TMEM67: variants seen among roughly 807,000 people sequenced by gnomAD.
TMEM67 encodes the protein transmembrane protein 67, also known as meckelin.
TMEM67 carries 124 observed loss-of-function variants against 136.6 expected under a neutral mutation model. The ratio of observed to expected loss-of-function variants is 0.91; its 90% CI spans 0.78 to 1.05. The LOEUF (loss-of-function observed/expected upper bound fraction) is 1.05, where lower values mean the gene tolerates loss of function less well. Ranked by LOEUF, TMEM67 falls within the 50% of genes least tolerant of loss-of-function variation. TMEM67 has a pLI of 0.00. For synonymous variants in TMEM67, 364 were observed against 390.5 expected (o/e 0.93, Z 0.80); for missense variants, 1,107 against 1,178.4 (o/e 0.94, Z 0.89).
At position 93,795,962 on chromosome 8, in the gene TMEM67, A is replaced by G; in HGVS notation, c.1835A>G (p.Tyr612Cys). ...MPIQEERFVT[Y>C]VGCAFALKAL... ...ATTCAGGAAGAACGTTTTGTCACTT[A>G]TGTTGGATGTGCCTTTGCTCTGAAG... Residue 612 changes from tyrosine to cysteine, a missense_variant, in exon 18 of 28, where the codon TAT becomes TGT. By Grantham distance (194) the Tyr-to-Cys change is radical. Transcript: ENST00000453321. 6.2e-7 allele frequency: 1 copy of G among 1,613,430 alleles called. No individual in the cohort carries two copies. The highest frequency in any genetic ancestry group is 1.1e-5 in the South Asian group (1 of 91,022).
At chr8:93,819,321 C>T (rs1419463642), downstream of TMEM67, 1 of 392,670 alleles carries the variant, frequency 2.5e-6, no homozygotes, top group East Asian at 7.3e-5. Context: ...CAGGAAGAGG[C>T]CCAGATAGAG....
chr8:93,755,453 C>T (rs892600910), intron 1 of TMEM67, among the ~76,000 whole-genome samples: 1 of 152,184 alleles, frequency 6.6e-6, no homozygotes, highest in African/African-American at 2.4e-5. Context: ...TGTAAGACCT[C>T]TACGTATAAT....
At chr8:93,790,371 C>T (rs1283664655) in intron 14 of TMEM67, among the ~76,000 whole-genome samples, 1 of 152,164 alleles carries the variant, frequency 6.6e-6, no homozygotes, top group Non-Finnish European at 1.5e-5. Flanking sequence ...TCTTCCTAAA[C>T]TAATCTTCTA....
intron 15 of TMEM67, among the ~76,000 whole-genome samples, chr8:93,792,919 C>A (rs1313850787): frequency 1.3e-5 from 2 of 151,910 alleles, no homozygotes; most frequent in East Asian, 3.9e-4. Context: ...ACTACAGGCA[C>A]CCACCACCAT....
At chr8:93,821,424 G>A (rs1809039374), downstream of TMEM67, among the ~76,000 whole-genome samples, 1 of 152,232 alleles carries the variant, frequency 6.6e-6, no homozygotes, top group South Asian at 2.1e-4. Flanking sequence ...TGGGATTACA[G>A]GCACATGCCT....
chr8:93,784,384 A>C (rs577388408), intron 11 of TMEM67, among the ~76,000 whole-genome samples: 7 of 152,254 alleles, frequency 4.6e-5, no homozygotes, highest in Admixed American at 2.0e-4. Flanking sequence ...CCGTGTAATT[A>C]GGTAATTTAC....
At chr8:93,809,297 T>C in intron 25 of TMEM67, 136 bp downstream of exon 25, 1 of 680,854 alleles carries the variant, frequency 1.5e-6, no homozygotes, top group Non-Finnish European at 2.7e-6. Context: ...TCCCTTTTTT[T>C]GTCTGTCACA....
intron 13 of TMEM67, 143 bp from the exon 14 acceptor site, chr8:93,787,693 AGTTTATGT>A: frequency 1.5e-6 from 1 of 659,604 alleles, no homozygotes; most frequent in Admixed American, 2.4e-5. Context: ...TGTCATCATT[AGTTTATGT>A]GTAACCTTCC....
chr8:93,779,578 T>C (rs746211001), intron 7 of TMEM67, among the ~76,000 whole-genome samples: 34 of 152,290 alleles, frequency 2.2e-4, no homozygotes, highest in South Asian at 4.1e-4. Flanking sequence ...TCCTTTTTGT[T>C]GATGTTGATG....
At chr8:93,780,825 A>G (rs551944882) in intron 8 of TMEM67, 49 bp from the exon 9 acceptor site, 93 of 1,591,678 alleles carry the variant, frequency 5.8e-5, no homozygotes, top group Non-Finnish European at 7.7e-5. Flanking sequence ...AATACTAATA[A>G]TAAGAAATAT....
intron 7 of TMEM67, 109 bp from the exon 8 acceptor site, chr8:93,780,484 C>A: frequency 8.4e-7 from 1 of 1,197,008 alleles, no homozygotes; most frequent in Non-Finnish European, 1.2e-6. Context: ...CGGAGCTGTT[C>A]CTACTCGGCC....
the TMEM67 span, among the ~76,000 whole-genome samples, chr8:93,825,825 C>G: frequency 2.0e-5 from 3 of 152,186 alleles, no homozygotes; most frequent in Non-Finnish European, 2.9e-5. Context: ...GAGGTTATCT[C>G]TCTTGGGGGA....
chr8:93,828,370 A>G, the TMEM67 span, among the ~76,000 whole-genome samples: 2 of 152,184 alleles, frequency 1.3e-5, no homozygotes, highest in South Asian at 2.1e-4. Context: ...AGCAAGTAGT[A>G]AGTATTTACA....
Position 93,814,984 on chromosome 8 carries a change from T to A in TMEM67, c.2765-321T>A, listed in dbSNP as rs1018477921. On this transcript the variant is annotated intron_variant, in intron 26 of 27. Coordinates refer to ENST00000453321, the MANE Select transcript of TMEM67 (RefSeq NM_153704.6). ...GTATCTTAGGGAATGTTTGTAAGACTAATTTAGCTTTTAGTTGTATAAAGA... is the reference window on the plus strand; with the variant it reads ...GTATCTTAGGGAATGTTTGTAAGACAAATTTAGCTTTTAGTTGTATAAAGA... 3.3e-5 allele frequency among the ~76,000 whole-genome samples: 5 copies of A among 152,228 alleles called. No individual in the cohort carries two copies. In the South Asian group the frequency reaches 6.2e-4, roughly 19 times the overall value.
intron 7 of TMEM67, among the ~76,000 whole-genome samples, chr8:93,779,745 G>A (rs1339227827): frequency 1.3e-5 from 2 of 152,150 alleles, no homozygotes; most frequent in Non-Finnish European, 2.9e-5. Flanking sequence ...TCCTCTGGAA[G>A]CTTCGTCCCA....
intron 26 of TMEM67, among the ~76,000 whole-genome samples, chr8:93,811,834 G>A (rs543334680): frequency 4.7e-4 from 71 of 151,806 alleles, no homozygotes; most frequent in African/African-American, 1.6e-3. Context: ...GCAAGACTCC[G>A]TCTCAAAAAA....
At chr8:93,783,386 T>A (rs1813938123) in intron 11 of TMEM67, among the ~76,000 whole-genome samples, 1 of 152,202 alleles carries the variant, frequency 6.6e-6, no homozygotes, top group African/African-American at 2.4e-5. Context: ...TCTGAGCATT[T>A]TGAAATAAAG....
chr8:93,829,664 C>T, the TMEM67 span, among the ~76,000 whole-genome samples: 6 of 152,070 alleles, frequency 3.9e-5, no homozygotes, highest in Non-Finnish European at 8.8e-5. Context: ...TCTGAGAATT[C>T]GGGAGGCCCC....
chr8:93,789,576 C>T (rs562018548), intron 14 of TMEM67, among the ~76,000 whole-genome samples: 2 of 149,260 alleles, frequency 1.3e-5, no homozygotes, highest in African/African-American at 2.5e-5. Flanking sequence ...ACCCAAGAGG[C>T]GGAGGTTGCA....
Sources: gnomAD v4.1 joint callset for allele counts (sites outside exome capture counted in the v4.1 genomes callset) on GRCh38, gnomAD v4.1.1 for gene constraint, MANE v1.5 for transcripts, NCBI Gene and HGNC (gene_info 2026-07-23, HGNC 2026-07-21) for gene names.